The following RPTOR variants were observed in gnomAD, a reference collection of about 807,000 sequenced individuals.
RPTOR encodes the protein regulatory associated protein of MTOR complex 1, also known as regulatory-associated protein of mTOR.
Under a neutral mutation model 169.9 loss-of-function variants are expected in RPTOR, and 21 were observed. The ratio of observed to expected loss-of-function variants is 0.12; its 90% CI spans 0.09 to 0.18. The LOEUF is 0.18. RPTOR is among the 10% of genes least tolerant of loss of function. The pLI is 1.00. For missense variants in RPTOR, 1,133 were observed against 1,855.9 expected, an observed-to-expected ratio of 0.61 and a Z score of 7.16; for synonymous variants, 732 against 753.2, an observed-to-expected ratio of 0.97 and a Z score of 0.46.
rs1479580966 is a variant in RPTOR at position 80,885,005 on chromosome 17, C to T, written c.1843-3C>T. The T allele has an allele frequency of 1.2e-6, 2 of 1,607,392 alleles. No individual in the cohort carries two copies. Among genetic ancestry groups the T allele is most frequent in the South Asian group, 1.1e-5 (1 of 89,222 alleles). ...ATGCCTGTGACCCCCCGCCGCCTTGCAGGTCCGCTGCGCAGCGGTCTTCGC... is the reference window on the plus strand; with the variant it reads ...ATGCCTGTGACCCCCCGCCGCCTTGTAGGTCCGCTGCGCAGCGGTCTTCGC... On this transcript the variant is annotated splice_polypyrimidine_tract_variant and splice_region_variant and intron_variant, in intron 16 of 33. Transcript: ENST00000306801.
intron 13 of RPTOR, among the ~76,000 whole-genome samples, chr17:80,874,905 T>C (rs574673883): frequency 6.6e-6 from 1 of 152,334 alleles, no homozygotes; most frequent in Non-Finnish European, 1.5e-5. Context: ...TAAACTCTTC[T>C]ACCCAGTGGA....
chr17:80,600,871 C>G (rs1010865980), intron 1 of RPTOR, among the ~76,000 whole-genome samples: 4 of 81,908 alleles, frequency 4.9e-5, no homozygotes, highest in Non-Finnish European at 2.8e-5. Context: ...CACGTGCCCT[C>G]TCTGCAGTGT....
intron 6 of RPTOR, among the ~76,000 whole-genome samples, chr17:80,765,292 A>G (rs2066775072): frequency 6.6e-6 from 1 of 152,160 alleles, no homozygotes; most frequent in East Asian, 1.9e-4. Context: ...TCAGAGAGCC[A>G]GTTGTCTCAG....
rs117670084 is a variant in RPTOR, at chr17:80,649,413, C to T, written c.348+5603C>T. Among the ~76,000 whole-genome samples, 60 of 152,262 alleles carry T rather than the reference C, an allele frequency of 3.9e-4. No homozygotes were observed. The East Asian group carries it at 0.01, about 25-fold the overall frequency. ...CATCCCGTCTTGCTGTCTGCCCTGCCGCCAGCCCTCCCTCCTCCTGCCCAA... is the reference window on the plus strand; with the variant it reads ...CATCCCGTCTTGCTGTCTGCCCTGCTGCCAGCCCTCCCTCCTCCTGCCCAA... On this transcript the variant is annotated intron_variant, in intron 3 of 33. Transcript: ENST00000306801.
At chr17:80,804,208 C>G (rs2067193852) in intron 7 of RPTOR, 1 of 152,410 alleles carries the variant, frequency 6.6e-6, no homozygotes, top group South Asian at 2.1e-4. Context: ...GTGGCACAAG[C>G]CTGACTAGTG....
intron 3 of RPTOR, among the ~76,000 whole-genome samples, chr17:80,654,477 C>T (rs1598195331): frequency 6.6e-6 from 1 of 152,224 alleles, no homozygotes; most frequent in South Asian, 2.1e-4. Flanking sequence ...GTGTAACTGG[C>T]CCATCTGTGG....
intron 10 of RPTOR, among the ~76,000 whole-genome samples, chr17:80,839,237 A>G (rs1025167395): frequency 3.3e-5 from 5 of 152,190 alleles, no homozygotes; most frequent in African/African-American, 1.2e-4. Context: ...GACATGTCCC[A>G]CGGGTGGGAT....
At chr17:80,719,706 G>T (rs1003299021) in intron 4 of RPTOR, among the ~76,000 whole-genome samples, 3 of 152,110 alleles carry the variant, frequency 2.0e-5, no homozygotes, top group African/African-American at 7.2e-5. Flanking sequence ...GGGGGTCGTG[G>T]CCCCGAAAGG....
chr17:80,650,245 G>A (rs536159313), intron 3 of RPTOR, among the ~76,000 whole-genome samples: 5 of 152,298 alleles, frequency 3.3e-5, no homozygotes, highest in Non-Finnish European at 5.9e-5. Flanking sequence ...CTTGCTCTCC[G>A]AGGCCACCTA....
chr17:80,849,388 G>A (rs184644340), intron 11 of RPTOR, among the ~76,000 whole-genome samples: 119 of 152,304 alleles, frequency 7.8e-4, no homozygotes, highest in African/African-American at 2.7e-3. Context: ...CTGTAAACGT[G>A]AGCATGGAAC....
At chr17:80,603,760 C>T (rs2065208542) in intron 1 of RPTOR, among the ~76,000 whole-genome samples, 1 of 152,320 alleles carries the variant, frequency 6.6e-6, no homozygotes. Context: ...TAGACCAATA[C>T]AAGGTAGTGA....
rs191459538 is a variant in RPTOR at position 80,651,273 on chromosome 17, C to T, written c.348+7463C>T. On this transcript the variant is annotated intron_variant, in intron 3 of 33. Coordinates refer to ENST00000306801, the MANE Select transcript of RPTOR (RefSeq NM_020761.3). The surrounding 1 kb of genome is among the most constrained non-coding windows in gnomAD (Gnocchi z 4.1). ...AATTTGGAGGTGACGATGAGGAACC[C>T]ACCGTATGCTCGCCATATGCAACTA... 6.6e-6 allele frequency among the ~76,000 whole-genome samples: 1 copy of T among 152,304 alleles called. No individual in the cohort carries two copies. The highest frequency in any genetic ancestry group is 1.5e-5 in the Non-Finnish European group (1 of 68,028).
rs780768526 is a variant in RPTOR at position 80,730,567 on chromosome 17, C to T, written c.515C>T (p.Thr172Met). The T allele has an allele frequency of 6.2e-7, 1 of 1,613,878 alleles. No homozygotes were observed. Among genetic ancestry groups the T allele is most frequent in the Non-Finnish European group, 8.5e-7 (1 of 1,179,738 alleles). Residue 172 changes from threonine to methionine, a missense_variant, in exon 5 of 34, where the codon ACG becomes ATG. By Grantham distance (81) the Thr-to-Met change is moderately conservative (BLOSUM62 -1). Coordinates refer to ENST00000306801, the MANE Select transcript of RPTOR (RefSeq NM_020761.3). The surrounding 1 kb of genome is among the most constrained non-coding windows in gnomAD (Gnocchi z 4.2). The stretch of plus-strand genomic sequence containing the variant: ...ACTTTGTGTGTTTTCTAGAACTACA[C>T]GCAGTACATCCCTCTGTCCATATAT... ...GEVWVFNKNY[T>M]QYIPLSIYDL...
intron 6 of RPTOR, among the ~76,000 whole-genome samples, chr17:80,787,069 C>T (rs950229051): frequency 2.0e-5 from 3 of 152,306 alleles, no homozygotes; most frequent in African/African-American, 4.8e-5. Context: ...ACGCACCTGC[C>T]GCCCCCGCCC....
intron 1 of RPTOR, among the ~76,000 whole-genome samples, chr17:80,595,746 C>T (rs75747760): frequency 0.051 from 7,699 of 152,298 alleles, 255 homozygotes; most frequent in Non-Finnish European, 0.076. Context: ...CATGAGCCAT[C>T]GTGCCCAGTG....
intron 20 of RPTOR, among the ~76,000 whole-genome samples, chr17:80,894,091 G>A (rs932144586): frequency 5.3e-5 from 8 of 152,076 alleles, no homozygotes; most frequent in Non-Finnish European, 8.8e-5. Context: ...AGGCTGCTCC[G>A]GAGCCATCGG....
intron 18 of RPTOR, 85 bp downstream of exon 18, chr17:80,891,922 C>T (rs1307897331): frequency 5.5e-6 from 5 of 907,422 alleles, no homozygotes; most frequent in Middle Eastern, 3.1e-4. Flanking sequence ...CTCACCCTCG[C>T]AGAGTCTAAG....
intron 9 of RPTOR, among the ~76,000 whole-genome samples, chr17:80,830,128 C>T (rs1459061566): frequency 6.6e-6 from 1 of 152,222 alleles, no homozygotes; most frequent in Admixed American, 6.5e-5. Flanking sequence ...GGAGCCGGGA[C>T]AGCAGGTCCC....
intron 1 of RPTOR, among the ~76,000 whole-genome samples, chr17:80,616,318 T>C (rs2065309832): frequency 7.4e-6 from 1 of 135,910 alleles, no homozygotes. Flanking sequence ...TTTTTTTTTT[T>C]TGAGACGGAG....
Sources: allele counts gnomAD v4.1 joint callset (sites outside exome capture counted in the v4.1 genomes callset), GRCh38; gene constraint gnomAD v4.1.1; non-coding constraint Gnocchi (gnomAD v3.1); transcripts MANE v1.5; gene names NCBI Gene and HGNC (gene_info 2026-07-23, HGNC 2026-07-21).